The following PLAAT1 variants were observed in gnomAD, a reference collection of about 807,000 sequenced individuals.
The protein encoded by PLAAT1 is H-REV107 protein-related protein.
In PLAAT1, 13 loss-of-function variants were observed where a neutral mutation model predicts 16.4. That is an observed-to-expected ratio of 0.79 (90% CI 0.52 to 1.26). The LOEUF (loss-of-function observed/expected upper bound fraction) is 1.26, where lower values mean the gene tolerates loss of function less well. PLAAT1 is among the 50% of genes most tolerant of loss of function. PLAAT1 has a pLI of 0.00. For missense variants in PLAAT1, 218 were observed against 207.8 expected, an observed-to-expected ratio of 1.05 and a Z score of -0.30; for synonymous variants, 73 against 78.4, an observed-to-expected ratio of 0.93 and a Z score of 0.36.
At chr3:193,276,633 C>A (rs1264833318) in intron 2 of PLAAT1, 8 of 693,504 alleles carry the variant, frequency 1.2e-5, no homozygotes, top group East Asian at 2.7e-5. Flanking sequence ...TTTTAATAAA[C>A]CCTTAATAAC....
chr3:193,240,610 G>T (rs1246364527), upstream of PLAAT1, among the ~76,000 whole-genome samples: 1 of 147,698 alleles, frequency 6.8e-6, no homozygotes, highest in Admixed American at 6.7e-5. Flanking sequence ...GGGGCCGGGG[G>T]AGGGGGGCGG....
chr3:193,256,248 A>C (rs1716369079), intron 2 of PLAAT1, among the ~76,000 whole-genome samples: 1 of 152,190 alleles, frequency 6.6e-6, no homozygotes. Flanking sequence ...AGTTACAGAA[A>C]TGTTAAAATT....
At chr3:193,271,707 G>T (rs1418415164), downstream of PLAAT1, among the ~76,000 whole-genome samples, 1 of 152,078 alleles carries the variant, frequency 6.6e-6, no homozygotes, top group Non-Finnish European at 1.5e-5. Context: ...CAAAAGCTTG[G>T]CATTAAATAA....
downstream of PLAAT1, among the ~76,000 whole-genome samples, chr3:193,271,921 G>C (rs1716993827): frequency 6.6e-6 from 1 of 151,960 alleles, no homozygotes; most frequent in Admixed American, 6.6e-5. Flanking sequence ...CTGCAGTCCA[G>C]GCCACAGAGA....
chr3:193,257,166 T>TA (rs1183827900), intron 2 of PLAAT1, among the ~76,000 whole-genome samples: 1 of 152,198 alleles, frequency 6.6e-6, no homozygotes, highest in African/African-American at 2.4e-5. Flanking sequence ...ACGAAAGAGC[T>TA]AACTGTAACT....
At chr3:193,277,127 G>A (rs1408471144) in intron 2 of PLAAT1, among the ~76,000 whole-genome samples, 1 of 152,174 alleles carries the variant, frequency 6.6e-6, no homozygotes, top group Non-Finnish European at 1.5e-5. Flanking sequence ...TGGAGGCTAT[G>A]TGTCTGTCTC....
chr3:193,275,435 CCTTTCCCAAGTT>C (rs1717151042), downstream of PLAAT1: 2 of 1,029,730 alleles, frequency 1.9e-6, no homozygotes, highest in Non-Finnish European at 1.4e-6. Flanking sequence ...ATCTACCTCT[CCTTTCCCAAGTT>C]CTGGAATTCT....
chr3:193,242,494 TAACAAA>T (rs1258295482), intron 1 of PLAAT1, among the ~76,000 whole-genome samples: 1 of 152,036 alleles, frequency 6.6e-6, no homozygotes, highest in African/African-American at 2.4e-5. Context: ...GGTTCAGTAT[TAACAAA>T]AACAAAACAA....
At chr3:193,246,439 AC>A (rs2108779243) in intron 1 of PLAAT1, among the ~76,000 whole-genome samples, 1 of 152,216 alleles carries the variant, frequency 6.6e-6, no homozygotes, top group African/African-American at 2.4e-5. Flanking sequence ...ATCTTGACTC[AC>A]TGCAACCTCC....
intron 1 of PLAAT1, among the ~76,000 whole-genome samples, chr3:193,244,629 A>C (rs557519100): frequency 6.6e-6 from 1 of 152,258 alleles, no homozygotes; most frequent in South Asian, 2.1e-4. Flanking sequence ...TTATAAAGAA[A>C]ATTAATGTAT....
At chr3:193,264,814 A>G (rs993680092) in intron 3 of PLAAT1, among the ~76,000 whole-genome samples, 2 of 152,094 alleles carry the variant, frequency 1.3e-5, no homozygotes, top group Non-Finnish European at 2.9e-5. Context: ...TGCCCAGCCT[A>G]TTTGCCCGTT....
chr3:193,279,500 C>T, downstream of PLAAT1: 2 of 1,524,874 alleles, frequency 1.3e-6, no homozygotes. Flanking sequence ...AAGAATGTTT[C>T]ATATAATTTG....
chr3:193,255,566 A>T, intron 1 of PLAAT1, 85 bp from the exon 2 acceptor site: 1 of 1,322,354 alleles, frequency 7.6e-7, no homozygotes, highest in Admixed American at 2.2e-5. Context: ...TAAATTCTGT[A>T]TCATTCTGCT....
intron 2 of PLAAT1, chr3:193,276,866 C>A: frequency 1.4e-6 from 2 of 1,428,788 alleles, no homozygotes; most frequent in African/African-American, 2.8e-5. Context: ...ATATTTTGCA[C>A]ACTTCACACT....
At chr3:193,268,461 G>A (rs1180705136) in intron 3 of PLAAT1, among the ~76,000 whole-genome samples, 3 of 152,164 alleles carry the variant, frequency 2.0e-5, no homozygotes, top group African/African-American at 4.8e-5. Context: ...TGGACAGAAA[G>A]CCCTCTAAAG....
At chr3:193,268,344 G>A (rs1283246355) in intron 3 of PLAAT1, among the ~76,000 whole-genome samples, 3 of 152,098 alleles carry the variant, frequency 2.0e-5, no homozygotes, top group African/African-American at 7.2e-5. Context: ...CCTGCCACAC[G>A]TCTGTGTCCC....
At chr3:193,276,868 C>T (rs754864996) in intron 2 of PLAAT1, 1 of 1,431,026 alleles carries the variant, frequency 7.0e-7, no homozygotes, top group Non-Finnish European at 9.7e-7. Context: ...ATTTTGCACA[C>T]TTCACACTTT....
At chr3:193,273,761 G>A (rs1342685109), downstream of PLAAT1, among the ~76,000 whole-genome samples, 2 of 152,182 alleles carry the variant, frequency 1.3e-5, no homozygotes, top group South Asian at 2.1e-4. Context: ...GAATATATTT[G>A]TAAAGGATGC....
chr3:193,241,176 G>A, upstream of PLAAT1: 1 of 1,214,170 alleles, frequency 8.2e-7, no homozygotes, highest in Non-Finnish European at 1.0e-6. Context: ...GGTCTAGCCG[G>A]AGCGACTGTG....
Sources: allele counts gnomAD v4.1 joint callset (sites outside exome capture counted in the v4.1 genomes callset), GRCh38; gene constraint gnomAD v4.1.1; transcripts MANE v1.5; gene names NCBI Gene and HGNC (gene_info 2026-07-23, HGNC 2026-07-21).